Variants in C4orf50 observed in about 807,000 individuals in gnomAD.
The protein encoded by C4orf50 is uncharacterized protein C4orf50.
A neutral mutation model predicts 77.2 loss-of-function variants in C4orf50; 80 were observed. That is an observed-to-expected ratio of 1.04 (90% CI 0.87 to 1.25). The LOEUF is 1.25. Among genes scored for constraint, C4orf50 ranks in the 50% most tolerant of loss-of-function variants. The pLI is 0.00. For synonymous variants in C4orf50, 532 were observed against 465.3 expected (o/e 1.14, Z -1.84); for missense variants, 1,257 against 1,152.9 (o/e 1.09, Z -1.31).
chr4:5,990,658 G>A, exon 28 of C4orf50: 1 of 399,226 alleles, frequency 2.5e-6, no homozygotes. Flanking sequence ...AGGGAGTGCG[G>A]ATGTCTGCAC....
rs570911310 is a variant in C4orf50 at position 5,972,249 on chromosome 4, C to T, written c.4104+1410G>A. 5.3e-5 allele frequency among the ~76,000 whole-genome samples: 8 copies of T among 152,198 alleles called. No homozygotes were observed. The East Asian group carries it at 7.8e-4, about 15-fold the overall frequency. On this transcript the variant is annotated intron_variant, in intron 31 of 33. Coordinates refer to ENST00000531445, the Ensembl canonical transcript of C4orf50. ...CGATCTCTTGACCTTGTGATCTGTC[C>T]GCCCCGGCCTCCCAAAGTGCTGGGA... is the stretch of plus-strand genomic sequence containing the variant.
At chr4:5,933,687 C>T (rs1365007386) in intron 7 of C4orf50, among the ~76,000 whole-genome samples, 2 of 152,226 alleles carry the variant, frequency 1.3e-5, no homozygotes, top group African/African-American at 4.8e-5. Flanking sequence ...TACGGTCGTG[C>T]CTCCCTGCGG....
At chr4:5,979,284 C>T (rs574883191) in intron 29 of C4orf50, among the ~76,000 whole-genome samples, 2 of 152,228 alleles carry the variant, frequency 1.3e-5, no homozygotes, top group East Asian at 1.9e-4. Flanking sequence ...ATGGAAACAA[C>T]TTGAATTTCC....
At chr4:5,989,673 A>T (rs1313852546) in exon 28 of C4orf50, 1 of 1,536,004 alleles carries the variant, frequency 6.5e-7, no homozygotes, top group Non-Finnish European at 8.7e-7. Context: ...CTTTGCTCAC[A>T]GCCTGTGGAT....
intron 7 of C4orf50, among the ~76,000 whole-genome samples, chr4:5,937,814 G>T (rs370967553): frequency 1.3e-5 from 2 of 151,936 alleles, no homozygotes; most frequent in Non-Finnish European, 2.9e-5. Flanking sequence ...ACTCAAAATC[G>T]CAAAACATTA....
At chr4:5,947,518 C>A (rs769570619) in intron 7 of C4orf50, among the ~76,000 whole-genome samples, 4 of 152,192 alleles carry the variant, frequency 2.6e-5, no homozygotes, top group African/African-American at 4.8e-5. Flanking sequence ...CCTGTCCATG[C>A]AGCCACGTGC....
intron 7 of C4orf50, among the ~76,000 whole-genome samples, chr4:5,918,724 C>T (rs1717138898): frequency 6.6e-6 from 1 of 152,232 alleles, no homozygotes; most frequent in Non-Finnish European, 1.5e-5. Context: ...CCTCTCTCCG[C>T]CCTTCTGCAT....
chr4:5,970,040 C>G lies in C4orf50; in HGVS notation c.4105-2578G>C, dbSNP rs4575945. On this transcript the variant is annotated intron_variant, in intron 31 of 33. Transcript: ENST00000531445. The surrounding 1 kb of genome is among the most constrained non-coding windows in gnomAD (Gnocchi z 4.3). Reference sequence around the variant, plus strand: ...CCTTTGGTACCCGGGCCTCTGCCTCCAAGGTCTCAGGGACGGGGAAAGGGG... The same window carrying G: ...CCTTTGGTACCCGGGCCTCTGCCTCGAAGGTCTCAGGGACGGGGAAAGGGG... Among the ~76,000 whole-genome samples, 49,725 of 151,916 alleles carry G rather than the reference C, an allele frequency of 0.33. 9,632 individuals are homozygous for G. Among genetic ancestry groups the G allele is most frequent in the Non-Finnish European group, 0.45 (30,436 of 67,918 alleles).
intron 7 of C4orf50, among the ~76,000 whole-genome samples, chr4:5,943,367 C>T (rs763849218): frequency 1.3e-5 from 2 of 152,186 alleles, no homozygotes; most frequent in Non-Finnish European, 2.9e-5. Flanking sequence ...GGAATAGCCA[C>T]ATTTAATTTT....
chr4:5,903,727 G>A (rs1252501942), intron 7 of C4orf50: 1 of 152,146 alleles, frequency 6.6e-6, no homozygotes, highest in Non-Finnish European at 1.5e-5. Flanking sequence ...GATGGTGATG[G>A]TTGCACCACA....
chr4:6,008,184 G>A lies in C4orf50; in HGVS notation c.775C>T (p.Arg259Cys), dbSNP rs1722327006. 2.5e-6 allele frequency: 1 copy of A among 398,400 alleles called. No individual in the cohort carries two copies. The highest frequency in any genetic ancestry group is 4.4e-6 in the Non-Finnish European group (1 of 225,774). The allele number at this position is 398,400 out of a possible 1,614,324, so 24.7% of individuals were successfully genotyped here. Residue 259 changes from arginine to cysteine, a missense_variant, in exon 25 of 34, where the codon CGC becomes TGC. Physicochemically the swap from Arg to Cys is radical, Grantham distance 180. Transcript: ENST00000531445. This position sits in a 1 kb window ranked among gnomAD's most constrained non-coding sequence, Gnocchi z 6.0. Reference sequence around the variant, plus strand: ...GTGGCCCGGTGCTCCTGCAGGCTGCGCGCCGCCTCTTCCCGCTCGCGCTCG... The same window carrying A: ...GTGGCCCGGTGCTCCTGCAGGCTGCACGCCGCCTCTTCCCGCTCGCGCTCG...
At chr4:6,004,387 ATGGTGGTGATGGT>A (rs1560599233) in intron 25 of C4orf50, among the ~76,000 whole-genome samples, 3 of 106,734 alleles carry the variant, frequency 2.8e-5, no homozygotes, top group Non-Finnish European at 5.9e-5. Flanking sequence ...GATGATGGTG[ATGGTGGTGATGGT>A]GATGGAGATG....
At chr4:5,972,532 T>C (rs1451370534) in intron 31 of C4orf50, among the ~76,000 whole-genome samples, 1 of 152,216 alleles carries the variant, frequency 6.6e-6, no homozygotes, top group Admixed American at 6.5e-5. Flanking sequence ...ACATGCCTCT[T>C]GGCCTCCAAG....
chr4:5,907,076 A>T (rs1716580868), intron 7 of C4orf50, among the ~76,000 whole-genome samples: 1 of 152,226 alleles, frequency 6.6e-6, no homozygotes, highest in Non-Finnish European at 1.5e-5. Flanking sequence ...TGTTAAGCTC[A>T]TAAGCACCTG....
chr4:5,989,985 C>A (rs1721162531), exon 28 of C4orf50: 1 of 1,407,902 alleles, frequency 7.1e-7, no homozygotes, highest in Non-Finnish European at 9.2e-7. Context: ...CTGCGAGGAG[C>A]TGACTGTCTG....
exon 34 of C4orf50, chr4:5,959,308 T>G (rs1719137129): frequency 1.3e-6 from 2 of 1,523,722 alleles, no homozygotes; most frequent in Admixed American, 3.9e-5. Context: ...CTTAAAGCAC[T>G]CTCTGAAGGT....
intron 25 of C4orf50, among the ~76,000 whole-genome samples, chr4:5,998,062 A>G (rs577153055): frequency 3.0e-4 from 46 of 152,332 alleles, no homozygotes; most frequent in African/African-American, 9.4e-4. Flanking sequence ...TGGAAGTCAA[A>G]TGGCTGAGAC....
intron 25 of C4orf50, among the ~76,000 whole-genome samples, chr4:5,995,474 A>AACACACACACACACACACACACACAC (rs55858229): frequency 7.5e-6 from 1 of 133,956 alleles, no homozygotes; most frequent in African/African-American, 2.9e-5. Context: ...TGGGACTGGA[A>AACACACACACACACACACACACACAC]ACACACACAC....
At chr4:5,985,359 G>C (rs930594907) in intron 28 of C4orf50, among the ~76,000 whole-genome samples, 1 of 151,824 alleles carries the variant, frequency 6.6e-6, no homozygotes, top group African/African-American at 2.4e-5. Context: ...TGGCTTATAA[G>C]ATTTATTCTA....
Sources: allele counts gnomAD v4.1 joint callset (sites outside exome capture counted in the v4.1 genomes callset), GRCh38; gene constraint gnomAD v4.1.1; non-coding constraint Gnocchi (gnomAD v3.1); transcripts MANE v1.5; gene names NCBI Gene and HGNC (gene_info 2026-07-23, HGNC 2026-07-21).